The following RABEP2 variants were observed in gnomAD, a reference collection of about 807,000 sequenced individuals.
RABEP2 encodes the protein rabaptin, RAB GTPase binding effector protein 2.
Under a neutral mutation model 74.1 loss-of-function variants are expected in RABEP2, and 57 were observed. The observed-to-expected ratio is 0.77, with a 90% CI of 0.62 to 0.96. RABEP2 has a LOEUF of 0.96. Ranked by LOEUF, RABEP2 falls within the 40% of genes least tolerant of loss-of-function variation. The pLI is 0.00. For missense variants in RABEP2, 692 were observed against 756.3 expected (o/e 0.91, Z 1.00); for synonymous variants, 351 against 344.0 (o/e 1.02, Z -0.23).
intron 5 of RABEP2, 57 bp downstream of exon 5, chr16:28,914,179 G>T (rs1321757851): frequency 1.4e-6 from 2 of 1,407,832 alleles, no homozygotes; most frequent in African/African-American, 1.4e-5. Context: ...TGGTGCGGGG[G>T]AAGCATCCAG....
chr16:28,924,986 C>T (rs374078426), intron 1 of RABEP2, 117 bp downstream of exon 1: 12 of 1,183,526 alleles, frequency 1.0e-5, no homozygotes, highest in Admixed American at 4.1e-5. Flanking sequence ...CCTTTCCCGA[C>T]GGCGTGGCCC....
rs1472516588 is a variant in RABEP2 at position 28,925,086 on chromosome 16, G to C, written c.61+17C>G. On this transcript the variant is annotated intron_variant, in intron 1 of 12. Transcript: ENST00000358201. ...AGCATCACCGTTCCCCGCTTGCACG[G>C]ACGCCCCCTCACGTACCAGCCCCCG... is the stretch of plus-strand genomic sequence containing the variant. The C allele has an allele frequency of 6.5e-7, 1 of 1,549,358 alleles. No individual in the cohort carries two copies. Among genetic ancestry groups the C allele is most frequent in the Non-Finnish European group, 8.7e-7 (1 of 1,155,650 alleles).
rs965828702 is a variant in RABEP2 at position 28,914,329 on chromosome 16, C to T, written c.801G>A (p.Val267=). The change falls in exon 5 of 13, where the codon GTG becomes GTA. Residue 267 remains valine, a synonymous_variant. Transcript: ENST00000358201. Reference sequence around the variant, plus strand: ...CCTCGGGAACCAGGGTGCCCGTAGACACCAGCGAGGCCGTCTCTTCCTGTT... The same window carrying T: ...CCTCGGGAACCAGGGTGCCCGTAGATACCAGCGAGGCCGTCTCTTCCTGTT... The part of the protein sequence containing the change: ...SPEQEETASL[V]STGTLVPEGI... 6 of 1,613,228 alleles carry T rather than the reference C, an allele frequency of 3.7e-6. No individual in the cohort carries two copies. The African/African-American group carries it at 5.3e-5, about 14-fold the overall frequency.
chr16:28,905,775 A>AG lies in RABEP2; in HGVS notation c.1436-17dup. The AG allele has an allele frequency of 6.2e-7, 1 of 1,613,918 alleles. No homozygotes were observed. The highest frequency in any genetic ancestry group is 8.5e-7 in the Non-Finnish European group (1 of 1,179,958). On this transcript the variant is annotated splice_polypyrimidine_tract_variant and intron_variant, in intron 10 of 12. Coordinates refer to ENST00000358201, the MANE Select transcript of RABEP2 (RefSeq NM_024816.3). ...CACAGGGAGGCTGGGAAGTCAGGGC[A>AG]GGGGGAGACGTCAGGGCCATGCCCT...
rs1368987091 is a variant in RABEP2 at position 28,904,739 on chromosome 16, C to G, written c.*204G>C. 2.3e-5 allele frequency: 15 copies of G among 641,640 alleles called. No individual in the cohort carries two copies. The highest frequency in any genetic ancestry group is 5.5e-5 in the African/African-American group (3 of 54,480). 39.7% of individuals were successfully genotyped at this position (641,640 alleles called of 1,614,324 possible). Reference sequence around the variant, plus strand: ...TCCGGGAGGGGCTTGGGCCCCTCACCCAGGTGTGATCCCTGAGAACAGGAG... The same window carrying G: ...TCCGGGAGGGGCTTGGGCCCCTCACGCAGGTGTGATCCCTGAGAACAGGAG... On this transcript the variant is annotated 3_prime_UTR_variant, in exon 13 of 13. Transcript: ENST00000358201.
chr16:28,904,824 C>G lies in RABEP2; in HGVS notation c.*119G>C. ...GGGCGGTGGTGGCCCCCGTCAGTCC[C>G]CTCAACCCCAGTCTCAGGGACGGTG... On this transcript the variant is annotated 3_prime_UTR_variant, in exon 13 of 13. Coordinates refer to ENST00000358201, the MANE Select transcript of RABEP2 (RefSeq NM_024816.3). 1 of 817,076 alleles carries G rather than the reference C, an allele frequency of 1.2e-6. No individual in the cohort carries two copies. The allele number at this position is 817,076 out of a possible 1,614,324, so 50.6% of individuals were successfully genotyped here.
Position 28,907,443 on chromosome 16 carries a change from C to T in RABEP2, c.1245+1166G>A, listed in dbSNP as rs187044461. ...AAGTAGCTGGGACTATAGGCGCAAGCCACCAAGCCCAGCTAATATTTTTAT... is the reference window on the plus strand; with the variant it reads ...AAGTAGCTGGGACTATAGGCGCAAGTCACCAAGCCCAGCTAATATTTTTAT... On this transcript the variant is annotated intron_variant, in intron 8 of 12. Coordinates refer to ENST00000358201, the MANE Select transcript of RABEP2 (RefSeq NM_024816.3). 6.1e-3 allele frequency among the ~76,000 whole-genome samples: 925 copies of T among 152,212 alleles called. 6 individuals are homozygous for T. Among genetic ancestry groups the T allele is most frequent in the Non-Finnish European group, 7.7e-3 (526 of 68,012 alleles).
At position 28,908,653 on chromosome 16, in the gene RABEP2, G is replaced by T. The variant is rs1487583925; in HGVS notation, c.1201C>A (p.Gln401Lys). 1 of 1,614,026 alleles carries T rather than the reference G, an allele frequency of 6.2e-7. No individual in the cohort carries two copies. The highest frequency in any genetic ancestry group is 8.5e-7 in the Non-Finnish European group (1 of 1,180,044). ...QLPSSAPQGS[Q>K]QEQGEEESLP... is the part of the protein sequence containing the mutation. ...GATTCCTCCTCGCCCTGCTCCTGCTGCGAGCCCTGGGGGGCTGAGGATGGC... is the reference window on the plus strand; with the variant it reads ...GATTCCTCCTCGCCCTGCTCCTGCTTCGAGCCCTGGGGGGCTGAGGATGGC... Residue 401 changes from glutamine to lysine, a missense_variant, in exon 8 of 13, where the codon CAG (glutamine) becomes AAG (lysine). By Grantham distance (53) the Gln-to-Lys change is moderately conservative. Transcript: ENST00000358201.
chr16:28,906,417 C>T (rs962405547), intron 8 of RABEP2, among the ~76,000 whole-genome samples: 4 of 152,322 alleles, frequency 2.6e-5, no homozygotes, highest in South Asian at 2.1e-4. Context: ...TGCCCCACAC[C>T]GTGGAGAGCG....
chr16:28,911,143 G>T lies in RABEP2; in HGVS notation c.931C>A (p.Arg311Ser). 1.2e-6 allele frequency: 2 copies of T among 1,612,138 alleles called. No homozygotes were observed. The highest frequency in any genetic ancestry group is 1.7e-6 in the Non-Finnish European group (2 of 1,180,018). Residue 311 changes from arginine (R) to serine (S), a missense_variant, in exon 6 of 13, where the codon CGC becomes AGC. Transcript: ENST00000358201. ...QLQKDLESVS[R>S]ERDELQEGLR... ...CCCTCTTGGAGCTCGTCCCGCTCGC[G>T]ACTGACGCTCTCCAGGTCCTTCTGC...
At chr16:28,919,446 A>G (rs1964438920) in intron 3 of RABEP2, among the ~76,000 whole-genome samples, 1 of 152,266 alleles carries the variant, frequency 6.6e-6, no homozygotes, top group African/African-American at 2.4e-5. Flanking sequence ...CACTGCACCA[A>G]GCCAAGAGCT....
At chr16:28,921,527 AG>A (rs1964467699) in intron 2 of RABEP2, among the ~76,000 whole-genome samples, 1 of 151,982 alleles carries the variant, frequency 6.6e-6, no homozygotes, top group Non-Finnish European at 1.5e-5. Flanking sequence ...AAGGCGCCCA[AG>A]GAGAGACACT....
chr16:28,911,443 T>C (rs1289293463), intron 5 of RABEP2, among the ~76,000 whole-genome samples: 6 of 151,358 alleles, frequency 4.0e-5, no homozygotes, highest in African/African-American at 1.5e-4. Context: ...GGGTGGATCA[T>C]TTGAGGTCAG....
At position 28,919,860 on chromosome 16, in the gene RABEP2, G is replaced by C. The variant is rs750912904; in HGVS notation, c.358C>G (p.Arg120Gly). Residue 120 changes from arginine to glycine, a missense_variant, in exon 3 of 13, where the codon CGG (arginine) becomes GGG (glycine). Transcript: ENST00000358201. ...AGCTGCTTCAGGCGGCCCAGCTCCC[G>C]CTCCTTCTCCTCACAGTCCTGCTGC... Reference protein sequence around the residue: ...QQQQDCEEKERELGRLKQLLS... With the variant: ...QQQQDCEEKEGELGRLKQLLS... The C allele has an allele frequency of 8.7e-6, 14 of 1,611,848 alleles. No homozygotes were observed. The highest frequency in any genetic ancestry group is 5.0e-5 in the Admixed American group (3 of 59,942).
At chr16:28,913,778 CTTTTTTTTTTT>C (rs1163826105) in intron 5 of RABEP2, among the ~76,000 whole-genome samples, 2 of 120,468 alleles carry the variant, frequency 1.7e-5, no homozygotes, top group Non-Finnish European at 1.7e-5. Flanking sequence ...CACCCGGCCT[CTTTTTTTTTTT>C]TTTTTTTTTT....
At chr16:28,906,297 G>T in intron 8 of RABEP2, 101 bp from the exon 9 acceptor site, 1 of 1,410,004 alleles carries the variant, frequency 7.1e-7, no homozygotes, top group Non-Finnish European at 9.3e-7. Context: ...GGGGAAGGAA[G>T]GGAGGATGGA....
intron 2 of RABEP2, 81 bp from the exon 3 acceptor site, chr16:28,920,024 G>A: frequency 2.9e-6 from 4 of 1,400,632 alleles, no homozygotes; most frequent in Non-Finnish European, 3.8e-6. Flanking sequence ...GACTCTTGAT[G>A]CACTGACTCT....
In RABEP2 at chr16:28,925,200, G is replaced by A. The variant is rs1387784109; in HGVS notation, c.-37C>T. The A allele has an allele frequency of 2.0e-6, 3 of 1,515,684 alleles. No homozygotes were observed. The highest frequency in any genetic ancestry group is 2.5e-5 in the East Asian group (1 of 39,932). 93.9% of individuals were successfully genotyped at this position (1,515,684 alleles called of 1,614,324 possible). On this transcript the variant is annotated 5_prime_UTR_variant, in exon 1 of 13. Coordinates refer to ENST00000358201, the MANE Select transcript of RABEP2 (RefSeq NM_024816.3). ...AAACGGCGGATTCCCGCACTCCCTG[G>A]TGACGGAGCGCACCGCTTCCGGGTC...
In RABEP2 at chr16:28,910,904, C is replaced by G. The variant is rs756062618; in HGVS notation, c.1073G>C (p.Arg358Pro). The G allele has an allele frequency of 3.7e-6, 6 of 1,611,968 alleles. No individual in the cohort carries two copies. In the South Asian group the frequency reaches 4.4e-5, roughly 12 times the overall value. The change falls in exon 7 of 13, where the codon CGG becomes CCG. Residue 358 changes from arginine (R) to proline (P), a missense_variant. Physicochemically the swap from Arg to Pro is moderately radical, Grantham distance 103. Transcript: ENST00000358201. The stretch of plus-strand genomic sequence containing the variant: ...GGTACTCACCATCTGCAGCTGCACC[C>G]GCTCCTGGGCCTGGCTCACGGTCCC... ...LQGTVSQAQE[R>P]VQLQMAELVT... is the part of the protein sequence containing the mutation.
Sources: allele counts gnomAD v4.1 joint callset (sites outside exome capture counted in the v4.1 genomes callset), GRCh38; gene constraint gnomAD v4.1.1; transcripts MANE v1.5; gene names NCBI Gene and HGNC (gene_info 2026-07-23, HGNC 2026-07-21).